Variants in FHIT observed in about 807,000 individuals in gnomAD.
The protein encoded by FHIT is bis(5'-adenosyl)-triphosphatase.
Under a neutral mutation model 17.9 loss-of-function variants are expected in FHIT, and 19 were observed. The ratio of observed to expected loss-of-function variants is 1.06; its 90% CI spans 0.74 to 1.56. FHIT has a LOEUF of 1.56. Ranked by LOEUF, FHIT falls within the 40% of genes most tolerant of loss-of-function variation. The pLI, the probability that FHIT is intolerant of heterozygous loss-of-function variation, is 0.00. For synonymous variants in FHIT, 81 were observed against 69.7 expected, an observed-to-expected ratio of 1.16 and a Z score of -0.81; for missense variants, 248 against 189.2, an observed-to-expected ratio of 1.31 and a Z score of -1.82.
chr3:60,005,747 G>C (rs1006874169), intron 7 of FHIT, among the ~76,000 whole-genome samples: 4 of 152,200 alleles, frequency 2.6e-5, no homozygotes, highest in Non-Finnish European at 5.9e-5. Context: ...CACCATGGCT[G>C]TAATGAAAGG....
intron 5 of FHIT, among the ~76,000 whole-genome samples, chr3:60,092,490 T>A (rs529633885): frequency 6.6e-5 from 10 of 152,324 alleles, no homozygotes; most frequent in African/African-American, 1.9e-4. Flanking sequence ...AATGTCTACA[T>A]TAAGGTCTGG....
intron 5 of FHIT, among the ~76,000 whole-genome samples, chr3:60,491,371 T>A (rs992084373): frequency 6.6e-6 from 1 of 151,814 alleles, no homozygotes; most frequent in Admixed American, 6.6e-5. Context: ...AACCTTATAA[T>A]GTTTCATACG....
chr3:60,924,074 G>A (rs897670204), intron 3 of FHIT, among the ~76,000 whole-genome samples: 14 of 152,200 alleles, frequency 9.2e-5, no homozygotes, highest in Non-Finnish European at 1.3e-4. Context: ...CTCGAACTCG[G>A]TGGAGCCCAC....
intron 5 of FHIT, among the ~76,000 whole-genome samples, chr3:60,455,464 A>T (rs400475): frequency 7.2e-5 from 11 of 151,950 alleles, no homozygotes; most frequent in East Asian, 1.9e-4. Context: ...AACCAACCAA[A>T]TGAACCAATT....
At chr3:60,610,964 C>T (rs1284409280) in intron 4 of FHIT, among the ~76,000 whole-genome samples, 2 of 152,116 alleles carry the variant, frequency 1.3e-5, no homozygotes, top group African/African-American at 4.8e-5. Context: ...ACTCTTAAGC[C>T]TAAATTTCCT....
chr3:60,130,061 T>C (rs528407978), intron 5 of FHIT, among the ~76,000 whole-genome samples: 1 of 152,278 alleles, frequency 6.6e-6, no homozygotes, highest in East Asian at 1.9e-4. Context: ...TGATATGCCA[T>C]TCCTCTTCTA....
At chr3:60,447,865 G>C (rs1380542176) in intron 5 of FHIT, among the ~76,000 whole-genome samples, 1 of 152,204 alleles carries the variant, frequency 6.6e-6, no homozygotes, top group East Asian at 1.9e-4. Context: ...AGTAAAGATG[G>C]GGGAAATGAC....
chr3:60,188,568 G>C (rs1003669242), intron 5 of FHIT, among the ~76,000 whole-genome samples: 15 of 152,122 alleles, frequency 9.9e-5, no homozygotes, highest in African/African-American at 3.6e-4. Context: ...ATTTTGTGAA[G>C]TTTCATATGA....
At chr3:59,800,419 A>T (rs1236965178) in intron 8 of FHIT, among the ~76,000 whole-genome samples, 7 of 152,220 alleles carry the variant, frequency 4.6e-5, no homozygotes, top group African/African-American at 1.7e-4. Context: ...AGCTATTGCA[A>T]ATTTCTGCAA....
At position 60,387,023 on chromosome 3, in the gene FHIT, C is replaced by CTTTTTTTTTTT. The variant is rs71627536; in HGVS notation, c.103+149826_103+149836dup. Among the ~76,000 whole-genome samples, 421 of 136,368 alleles carry CTTTTTTTTTTT rather than the reference C, an allele frequency of 3.1e-3. 14 individuals carry two copies. Among genetic ancestry groups the CTTTTTTTTTTT allele is most frequent in the African/African-American group, 0.01 (380 of 37,162 alleles). The allele number at this position is 136,368 out of a possible 152,430, so 89.5% of individuals were successfully genotyped here. A position where few individuals can be genotyped will look rare whatever the true frequency, so the allele number is the denominator to read the frequency against. On this transcript the variant is annotated intron_variant, in intron 5 of 9. Transcript: ENST00000492590. Reference sequence around the variant, plus strand: ...TTTGCCTAAGGAAATTCTATTTATTCTTTTTTTTTTTTGGAGTGCAACAGC... The same window carrying CTTTTTTTTTTT: ...TTTGCCTAAGGAAATTCTATTTATTCTTTTTTTTTTTTTTTTTTTTTTTGGAGTGCAACAGC...
intron 2 of FHIT, among the ~76,000 whole-genome samples, chr3:61,144,801 T>G (rs564105785): frequency 5.3e-5 from 8 of 152,328 alleles, no homozygotes; most frequent in Non-Finnish European, 7.4e-5. Context: ...TAGTAATGAG[T>G]GATACTAAGC....
chr3:60,480,779 T>TAC (rs1290177274), intron 5 of FHIT, among the ~76,000 whole-genome samples: 2 of 152,190 alleles, frequency 1.3e-5, no homozygotes, highest in Non-Finnish European at 2.9e-5. Flanking sequence ...CTCTGCAGGG[T>TAC]ACACCCCTCT....
intron 4 of FHIT, among the ~76,000 whole-genome samples, chr3:60,723,615 G>A (rs781987209): frequency 6.6e-5 from 10 of 152,192 alleles, no homozygotes; most frequent in Non-Finnish European, 1.3e-4. Flanking sequence ...TGACTGCATT[G>A]GAAGAGGACT....
At chr3:60,834,668 A>G (rs1702465661) in intron 3 of FHIT, among the ~76,000 whole-genome samples, 1 of 151,900 alleles carries the variant, frequency 6.6e-6, no homozygotes, top group Admixed American at 6.6e-5. Context: ...GACCTGGCCA[A>G]CACGGCAAAA....
chr3:60,257,539 A>T (rs1388217273), intron 5 of FHIT, among the ~76,000 whole-genome samples: 1 of 152,138 alleles, frequency 6.6e-6, no homozygotes, highest in Non-Finnish European at 1.5e-5. Flanking sequence ...GCTGCTGTGG[A>T]TGCCCTAACC....
chr3:60,557,806 T>G (rs1031424039), intron 4 of FHIT, among the ~76,000 whole-genome samples: 3 of 152,092 alleles, frequency 2.0e-5, no homozygotes, highest in African/African-American at 7.2e-5. Context: ...AAATGCATTT[T>G]GAGTCCAAGT....
chr3:59,784,892 A>G (rs182557605), intron 8 of FHIT, among the ~76,000 whole-genome samples: 1 of 152,266 alleles, frequency 6.6e-6, no homozygotes, highest in African/African-American at 2.4e-5. Flanking sequence ...TACCTGAGAC[A>G]GGGTAGTTTA....
chr3:60,868,180 C>T (rs1212079047), intron 3 of FHIT, among the ~76,000 whole-genome samples: 1 of 152,150 alleles, frequency 6.6e-6, no homozygotes, highest in East Asian at 1.9e-4. Flanking sequence ...GATGCCTTGG[C>T]CAGAAGCATT....
At chr3:60,744,480 C>T (rs993252178) in intron 4 of FHIT, among the ~76,000 whole-genome samples, 7 of 152,082 alleles carry the variant, frequency 4.6e-5, no homozygotes, top group African/African-American at 1.4e-4. Context: ...ATAGGGGATC[C>T]ATGACAAGTC....
Sources: gnomAD v4.1 joint callset for allele counts (sites outside exome capture counted in the v4.1 genomes callset) on GRCh38, gnomAD v4.1.1 for gene constraint, MANE v1.5 for transcripts, NCBI Gene and HGNC (gene_info 2026-07-23, HGNC 2026-07-21) for gene names.